Variants in CACNA1C observed in about 807,000 individuals in gnomAD.
CACNA1C encodes calcium voltage-gated channel subunit alpha1 C.
A neutral mutation model predicts 229.0 loss-of-function variants in CACNA1C; 30 were observed. That is an observed-to-expected ratio of 0.13 (90% CI 0.10 to 0.18). The LOEUF (loss-of-function observed/expected upper bound fraction) is 0.18. Ranked by LOEUF, CACNA1C falls within the 10% of genes least tolerant of loss-of-function variation. CACNA1C has a pLI of 1.00. For missense variants in CACNA1C, 1,658 were observed against 2,845.0 expected, an observed-to-expected ratio of 0.58 and a Z score of 9.49; for synonymous variants, 1,114 against 1,132.5, an observed-to-expected ratio of 0.98 and a Z score of 0.33.
chr12:2,500,090 A>AC (rs1231749694), intron 7 of CACNA1C, among the ~76,000 whole-genome samples: 2 of 152,256 alleles, frequency 1.3e-5, no homozygotes, highest in East Asian at 3.9e-4. Context: ...GGTTCTGAGG[A>AC]CCACCCTGGC....
intron 3 of CACNA1C, among the ~76,000 whole-genome samples, chr12:2,383,234 A>G (rs1236669599): frequency 6.6e-6 from 1 of 152,196 alleles, no homozygotes; most frequent in Non-Finnish European, 1.5e-5. Flanking sequence ...AAGGCTCAGG[A>G]AAAGAAGGGT....
intron 3 of CACNA1C, among the ~76,000 whole-genome samples, chr12:2,146,491 G>C (rs2154200888): frequency 6.6e-6 from 1 of 151,350 alleles, no homozygotes; most frequent in East Asian, 1.9e-4. Context: ...GATAAAAAAT[G>C]ATAATGAATG....
intron 3 of CACNA1C, among the ~76,000 whole-genome samples, chr12:2,206,467 T>C (rs1259870460): frequency 1.3e-5 from 2 of 152,194 alleles, no homozygotes; most frequent in Non-Finnish European, 1.5e-5. Context: ...TGAGTAGTTA[T>C]GTAGCTTTTG....
intron 7 of CACNA1C, among the ~76,000 whole-genome samples, chr12:2,500,034 A>C (rs994660972): frequency 5.3e-5 from 8 of 152,192 alleles, no homozygotes; most frequent in Admixed American, 3.9e-4. Flanking sequence ...GGCAGGCCAG[A>C]GAATCACCTT....
intron 3 of CACNA1C, among the ~76,000 whole-genome samples, chr12:2,310,809 C>T (rs1294285173): frequency 6.6e-6 from 1 of 152,172 alleles, no homozygotes; most frequent in East Asian, 1.9e-4. Flanking sequence ...TCAGAAGAAC[C>T]AATGGTTGCC....
chr12:2,406,419 G>A (rs1193347882), intron 3 of CACNA1C, among the ~76,000 whole-genome samples: 5 of 152,046 alleles, frequency 3.3e-5, no homozygotes, highest in Non-Finnish European at 7.4e-5. Flanking sequence ...AATCCCACAG[G>A]CCACCCAACT....
chr12:2,580,216 T>C (rs1447160009), intron 13 of CACNA1C, among the ~76,000 whole-genome samples: 1 of 152,186 alleles, frequency 6.6e-6, no homozygotes, highest in Non-Finnish European at 1.5e-5. Context: ...AGAGGGGGTA[T>C]GGCTGGCAGG....
intron 3 of CACNA1C, among the ~76,000 whole-genome samples, chr12:2,270,451 C>T (rs1205542785): frequency 6.6e-6 from 1 of 152,172 alleles, no homozygotes; most frequent in East Asian, 1.9e-4. Flanking sequence ...ACTCAGTGAC[C>T]CCTCATGTCA....
At chr12:2,102,007 A>G (rs143525840) in intron 1 of CACNA1C, among the ~76,000 whole-genome samples, 17 of 152,320 alleles carry the variant, frequency 1.1e-4, no homozygotes, top group African/African-American at 3.6e-4. Flanking sequence ...TATTCAACAC[A>G]TTGGTAGTGT....
chr12:2,525,712 G>A (rs2099817509), intron 9 of CACNA1C, among the ~76,000 whole-genome samples: 2 of 152,138 alleles, frequency 1.3e-5, no homozygotes, highest in South Asian at 2.1e-4. Context: ...CCCAAACATA[G>A]GCTTTGATGG....
At chr12:2,302,481 A>G (rs901922252) in intron 3 of CACNA1C, among the ~76,000 whole-genome samples, 1 of 151,892 alleles carries the variant, frequency 6.6e-6, no homozygotes, top group African/African-American at 2.4e-5. Flanking sequence ...AAAGGCACCA[A>G]TTATTGGAAG....
intron 3 of CACNA1C, among the ~76,000 whole-genome samples, chr12:2,357,019 C>T (rs2097387532): frequency 6.6e-6 from 1 of 152,248 alleles, no homozygotes; most frequent in Non-Finnish European, 1.5e-5. Flanking sequence ...TTCCATCCTC[C>T]ATGGGGTCTT....
At chr12:2,611,213 C>A (rs1197156348) in intron 28 of CACNA1C, among the ~76,000 whole-genome samples, 22 of 58,866 alleles carry the variant, frequency 3.7e-4, no homozygotes, top group Admixed American at 7.7e-4. Flanking sequence ...GGATGCATTC[C>A]TTGTTGGTTG....
At chr12:2,626,191 C>T (rs2086386434) in intron 29 of CACNA1C, among the ~76,000 whole-genome samples, 1 of 152,242 alleles carries the variant, frequency 6.6e-6, no homozygotes, top group African/African-American at 2.4e-5. Flanking sequence ...CTCCCTCCCC[C>T]ACAGCCACCT....
intron 5 of CACNA1C, among the ~76,000 whole-genome samples, chr12:2,481,497 G>A (rs911081553): frequency 4.6e-5 from 7 of 152,220 alleles, no homozygotes; most frequent in African/African-American, 9.6e-5. Context: ...CATGTCTGCC[G>A]GCTAAACTCC....
At chr12:2,107,638 A>C (rs1311586021) in intron 1 of CACNA1C, among the ~76,000 whole-genome samples, 1 of 152,264 alleles carries the variant, frequency 6.6e-6, no homozygotes, top group Non-Finnish European at 1.5e-5. Flanking sequence ...CATTTATGTG[A>C]TGAAAATATT....
At chr12:2,060,825 A>G (rs2154516058) in intron 1 of CACNA1C, among the ~76,000 whole-genome samples, 1 of 152,370 alleles carries the variant, frequency 6.6e-6, no homozygotes, top group East Asian at 1.9e-4. Flanking sequence ...TTAGAGAACC[A>G]AGCCAAAATC....
At chr12:2,015,697 G>C (rs536921799) in intron 1 of CACNA1C, among the ~76,000 whole-genome samples, 1 of 152,290 alleles carries the variant, frequency 6.6e-6, no homozygotes, top group African/African-American at 2.4e-5. Context: ...GTTGGGCCCT[G>C]GTCAGTCTCA....
At chr12:2,124,149 T>TGC (rs1555204763) in intron 3 of CACNA1C, among the ~76,000 whole-genome samples, 8 of 144,488 alleles carry the variant, frequency 5.5e-5, no homozygotes, top group African/African-American at 2.1e-4. Context: ...TGTGTGTGTG[T>TGC]GCAGTCATTT....
Sources: allele counts gnomAD v4.1 joint callset (sites outside exome capture counted in the v4.1 genomes callset), GRCh38; gene constraint gnomAD v4.1.1; transcripts MANE v1.5; gene names NCBI Gene and HGNC (gene_info 2026-07-23, HGNC 2026-07-21).